CWC27: variants seen among roughly 807,000 people sequenced by gnomAD.
CWC27 encodes the protein spliceosome-associated protein CWC27 homolog.
A neutral mutation model predicts 63.6 loss-of-function variants in CWC27; 47 were observed. That is an observed-to-expected ratio of 0.74 (90% confidence interval 0.58 to 0.94). CWC27 has a LOEUF of 0.94. CWC27 is among the 40% of genes least tolerant of loss of function. The pLI is 0.00. For missense variants in CWC27, 495 were observed against 554.3 expected, an observed-to-expected ratio of 0.89 and a Z score of 1.07; for synonymous variants, 175 against 179.8, an observed-to-expected ratio of 0.97 and a Z score of 0.22.
chr5:64,876,759 T>C (rs906034276), intron 10 of CWC27, among the ~76,000 whole-genome samples: 1 of 151,988 alleles, frequency 6.6e-6, no homozygotes, highest in Non-Finnish European at 1.5e-5. Flanking sequence ...GAAGTTTTCC[T>C]AAGGCACATT....
At chr5:64,972,666 A>AC (rs1453141610) in intron 12 of CWC27, 1 of 454,846 alleles carries the variant, frequency 2.2e-6, no homozygotes, top group Admixed American at 2.4e-5. Flanking sequence ...TACATTATTA[A>AC]CTTGTTTTCA....
At chr5:64,787,562 T>C (rs1743931766) in intron 6 of CWC27, among the ~76,000 whole-genome samples, 1 of 150,388 alleles carries the variant, frequency 6.6e-6, no homozygotes, top group African/African-American at 2.5e-5. Flanking sequence ...AAAAATAATA[T>C]TATTATAAAT....
chr5:64,784,634 A>G (rs1158920445), intron 4 of CWC27, among the ~76,000 whole-genome samples: 1 of 152,172 alleles, frequency 6.6e-6, no homozygotes, highest in African/African-American at 2.4e-5. Context: ...TTCCCCATAT[A>G]CTGGGCAAAA....
intron 10 of CWC27, among the ~76,000 whole-genome samples, chr5:64,865,809 A>G (rs1215857346): frequency 1.3e-5 from 2 of 152,074 alleles, no homozygotes; most frequent in African/African-American, 4.8e-5. Flanking sequence ...GATGTGATGA[A>G]TCTGTCTAGT....
chr5:64,799,957 A>G (rs1016549948), intron 7 of CWC27, among the ~76,000 whole-genome samples: 2 of 152,254 alleles, frequency 1.3e-5, no homozygotes, highest in East Asian at 3.9e-4. Context: ...AACTAGTTTC[A>G]TAGTATGCAA....
chr5:64,854,789 T>G (rs1015681720), intron 10 of CWC27, among the ~76,000 whole-genome samples: 2 of 152,204 alleles, frequency 1.3e-5, no homozygotes, highest in African/African-American at 4.8e-5. Context: ...TGTCCTAGCT[T>G]AGGGTCATAA....
At chr5:64,821,264 T>C (rs1274793721) in intron 10 of CWC27, among the ~76,000 whole-genome samples, 1 of 152,104 alleles carries the variant, frequency 6.6e-6, no homozygotes, top group Non-Finnish European at 1.5e-5. Flanking sequence ...TTTGTATTTT[T>C]AGTAGAGACG....
In CWC27 at chr5:64,774,749, C is replaced by A. The variant is rs1236398300; in HGVS notation, c.101C>A (p.Pro34His). 1 of 1,607,406 alleles carries A rather than the reference C, an allele frequency of 6.2e-7. No homozygotes were observed. The highest frequency in any genetic ancestry group is 8.5e-7 in the Non-Finnish European group (1 of 1,177,222). Residue 34 changes from proline to histidine, a missense_variant, in exon 2 of 14, where the codon CCT becomes CAT. Transcript: ENST00000381070. ...IDIELWSKEAPKACRNFIQLC... is the reference protein window; with the variant it reads ...IDIELWSKEAHKACRNFIQLC... The stretch of plus-strand genomic sequence containing the variant: ...ATAGAGTTGTGGTCCAAAGAAGCTC[C>A]TAAAGCTTGCAGAAATTTTATCCAA...
chr5:64,877,112 C>T (rs145333474), intron 10 of CWC27, among the ~76,000 whole-genome samples: 2,546 of 151,992 alleles, frequency 0.017, 69 homozygotes, highest in African/African-American at 0.059. Flanking sequence ...TACCTATACC[C>T]CCATGTTTAT....
chr5:65,018,473 A>C lies in CWC27; in HGVS notation c.*152A>C, dbSNP rs1750090099. ...GAAAAACAATTATCTTGTTTTGCAAATTGTGGAATGATGTAAGCAAATGCT... is the reference window on the plus strand; with the variant it reads ...GAAAAACAATTATCTTGTTTTGCAACTTGTGGAATGATGTAAGCAAATGCT... On this transcript the variant is annotated 3_prime_UTR_variant, in exon 14 of 14. Transcript: ENST00000381070. The C allele has an allele frequency of 3.1e-6, 2 of 655,052 alleles. No homozygotes were observed. The highest frequency in any genetic ancestry group is 7.6e-5 in the Admixed American group (2 of 26,164). The allele number at this position is 655,052 out of a possible 1,614,324, so 40.6% of individuals were successfully genotyped here. A position where few individuals can be genotyped will look rare whatever the true frequency, so the allele number is the denominator to read the frequency against.
intron 10 of CWC27, among the ~76,000 whole-genome samples, chr5:64,851,702 T>A (rs1746137122): frequency 6.6e-6 from 1 of 152,198 alleles, no homozygotes; most frequent in African/African-American, 2.4e-5. Context: ...TTTTAAAAAA[T>A]ACTAGAAAAT....
At chr5:64,802,437 C>T (rs1184773732) in intron 9 of CWC27, among the ~76,000 whole-genome samples, 1 of 152,062 alleles carries the variant, frequency 6.6e-6, no homozygotes, top group Non-Finnish European at 1.5e-5. Context: ...AAGTGAGGAA[C>T]AGTTGAAAGG....
intron 10 of CWC27, among the ~76,000 whole-genome samples, chr5:64,878,161 A>G (rs1746842185): frequency 6.6e-6 from 1 of 151,890 alleles, no homozygotes; most frequent in Non-Finnish European, 1.5e-5. Flanking sequence ...TGGCCAAATA[A>G]TGCTGTTTAG....
chr5:64,836,034 A>G (rs937014924), intron 10 of CWC27, among the ~76,000 whole-genome samples: 1 of 151,926 alleles, frequency 6.6e-6, no homozygotes, highest in Non-Finnish European at 1.5e-5. Flanking sequence ...GCAATAAAGT[A>G]GTTTATAAAT....
intron 10 of CWC27, among the ~76,000 whole-genome samples, chr5:64,817,802 T>A (rs1292585448): frequency 1.3e-5 from 2 of 152,290 alleles, no homozygotes; most frequent in East Asian, 3.9e-4. Context: ...TGTGTGTGCA[T>A]ATATATTGAT....
intron 9 of CWC27, 128 bp downstream of exon 9, chr5:64,801,460 G>A: frequency 3.8e-6 from 3 of 787,298 alleles, no homozygotes; most frequent in South Asian, 5.7e-5. Flanking sequence ...GTCAAATTTT[G>A]GAAAAATATG....
At chr5:64,928,307 T>G (rs1434092672) in intron 11 of CWC27, among the ~76,000 whole-genome samples, 1 of 152,222 alleles carries the variant, frequency 6.6e-6, no homozygotes, top group Non-Finnish European at 1.5e-5. Context: ...ATACATTTTT[T>G]TACTCTTCAA....
chr5:64,854,438 C>T (rs1005659551), intron 10 of CWC27, among the ~76,000 whole-genome samples: 2 of 152,222 alleles, frequency 1.3e-5, no homozygotes, highest in African/African-American at 2.4e-5. Context: ...TTCTCTACAT[C>T]CTTACCACCA....
intron 2 of CWC27, among the ~76,000 whole-genome samples, chr5:64,775,987 A>G (rs568360443): frequency 6.6e-6 from 1 of 151,450 alleles, no homozygotes; most frequent in African/African-American, 2.4e-5. Flanking sequence ...AATAGACGTA[A>G]TTATCAGGTG....
Sources: allele counts gnomAD v4.1 joint callset (sites outside exome capture counted in the v4.1 genomes callset), GRCh38; gene constraint gnomAD v4.1.1; transcripts MANE v1.5; gene names NCBI Gene and HGNC (gene_info 2026-07-23, HGNC 2026-07-21).